The following ACACB variants were observed in gnomAD, a reference collection of about 807,000 sequenced individuals.
ACACB encodes the protein acetyl-CoA carboxylase beta.
ACACB carries 209 observed loss-of-function variants against 278.8 expected under a neutral mutation model. The ratio of observed to expected loss-of-function variants is 0.75; its 90% CI spans 0.67 to 0.84. The LOEUF is 0.84. Among genes scored for constraint, ACACB ranks in the 40% least tolerant of loss-of-function variants. The pLI is 0.00. For missense variants in ACACB, 2,850 were observed against 3,269.0 expected, an observed-to-expected ratio of 0.87 and a Z score of 3.13; for synonymous variants, 1,174 against 1,285.6, an observed-to-expected ratio of 0.91 and a Z score of 1.86.
intron 11 of ACACB, among the ~76,000 whole-genome samples, chr12:109,181,881 G>A (rs1376407530): frequency 9.8e-6 from 1 of 101,948 alleles, no homozygotes; most frequent in African/African-American, 3.9e-5. Flanking sequence ...GTCTTGCTCT[G>A]TTGCCCAGGC....
Position 109,239,995 on chromosome 12 carries a change from T to C in ACACB, c.4818+10T>C, listed in dbSNP as rs1332107588. ...CATGGACCCCTTCAAGGTCTCGCCT[T>C]TGCAGGGGGGCTCTCACCGGGCTCT... On this transcript the variant is annotated intron_variant, in intron 35 of 52. Transcript: ENST00000338432. 6.2e-7 allele frequency: 1 copy of C among 1,612,046 alleles called. No homozygotes were observed.
At chr12:109,240,508 A>G (rs1251904664) in intron 35 of ACACB, among the ~76,000 whole-genome samples, 1 of 150,926 alleles carries the variant, frequency 6.6e-6, no homozygotes, top group Non-Finnish European at 1.5e-5. Context: ...AATTTTAAAA[A>G]TTAAAAAATA....
rs1029835101 is a variant in ACACB at position 109,139,735 on chromosome 12, A to G, written c.330A>G (p.Ala110=). Residue 110 remains alanine (A), a synonymous_variant, in exon 2 of 53, where the codon GCA becomes GCG. Coordinates refer to ENST00000338432, the MANE Select transcript of ACACB (RefSeq NM_001093.4). ...ACCCCCTTTCTTCCAGTGACGCAGC[A>G]CCCTCCCCAGAGCTTCAAGCCAACG... ...PRNPLSSSDA[A]PSPELQANGT... 2.5e-6 allele frequency: 4 copies of G among 1,613,782 alleles called. No individual in the cohort carries two copies. Among genetic ancestry groups the G allele is most frequent in the Non-Finnish European group, 3.4e-6 (4 of 1,179,964 alleles).
rs375637951 is a variant in ACACB, at chr12:109,245,756, C to T, written c.5301+8C>T. ...CTTCCTGGTGGAAATGAGGTAATAG[C>T]TCAGCGGAGCCTAACCCCTGGCTGG... On this transcript the variant is annotated splice_region_variant and intron_variant, in intron 38 of 52. Transcript: ENST00000338432. 6.2e-7 allele frequency: 1 copy of T among 1,613,316 alleles called. No homozygotes were observed.
chr12:109,125,078 C>G (rs1025871151), intron 1 of ACACB, among the ~76,000 whole-genome samples: 15 of 152,278 alleles, frequency 9.9e-5, no homozygotes, highest in African/African-American at 3.4e-4. Context: ...AATACAGTCC[C>G]TGAAAGGCAG....
chr12:109,154,070 TA>T (rs1254566258), intron 2 of ACACB, among the ~76,000 whole-genome samples: 1 of 152,188 alleles, frequency 6.6e-6, no homozygotes, highest in Non-Finnish European at 1.5e-5. Flanking sequence ...ATTATAGGGA[TA>T]AAAACAATAA....
chr12:109,175,857 A>C (rs2136204193), intron 7 of ACACB, 74 bp from the exon 8 acceptor site: 2 of 1,277,590 alleles, frequency 1.6e-6, no homozygotes, highest in Admixed American at 1.8e-5. Flanking sequence ...CAGCAGGGAG[A>C]GGCGCTGTGG....
At chr12:109,218,139 G>A (rs1283905323) in intron 24 of ACACB, among the ~76,000 whole-genome samples, 1 of 152,224 alleles carries the variant, frequency 6.6e-6, no homozygotes, top group Non-Finnish European at 1.5e-5. Context: ...GTGTGGAGAA[G>A]AAGAAATATG....
At chr12:109,142,079 C>T (rs181818264) in intron 2 of ACACB, among the ~76,000 whole-genome samples, 1 of 148,902 alleles carries the variant, frequency 6.7e-6, no homozygotes, top group Non-Finnish European at 1.5e-5. Flanking sequence ...GAGACCTCAT[C>T]TCTAAAAAAA....
chr12:109,197,856 A>C (rs1056547170), intron 17 of ACACB, among the ~76,000 whole-genome samples: 7 of 152,172 alleles, frequency 4.6e-5, no homozygotes, highest in Non-Finnish European at 1.5e-5. Flanking sequence ...GTTTTGGAAG[A>C]AGGAAGACTA....
chr12:109,258,515 G>A (rs2047291487), intron 46 of ACACB, 151 bp downstream of exon 46: 1 of 616,292 alleles, frequency 1.6e-6, no homozygotes, highest in South Asian at 2.0e-5. Context: ...CTCAGTGCCT[G>A]TTTCTCTGAC....
chr12:109,131,941 T>C (rs2042839837), intron 1 of ACACB, among the ~76,000 whole-genome samples: 1 of 152,174 alleles, frequency 6.6e-6, no homozygotes, highest in Non-Finnish European at 1.5e-5. Flanking sequence ...TGCATGTCGA[T>C]CTGCGGCTGT....
At chr12:109,195,758 C>G (rs1360442829) in intron 16 of ACACB, among the ~76,000 whole-genome samples, 1 of 151,850 alleles carries the variant, frequency 6.6e-6, no homozygotes, top group Non-Finnish European at 1.5e-5. Flanking sequence ...AAACTCATGT[C>G]TGTGGCACTG....
intron 33 of ACACB, 152 bp downstream of exon 33, chr12:109,235,799 A>G (rs2046616874): frequency 1.5e-6 from 1 of 659,886 alleles, no homozygotes; most frequent in South Asian, 1.9e-5. Flanking sequence ...GGAGTTCTAG[A>G]CCAGCCTGGG....
rs767325347 is a variant in ACACB at position 109,139,527 on chromosome 12, T to C, written c.122T>C (p.Leu41Pro). ...PITKSKSEAN[L>P]IPSQEPFPAS... ...ACCAAGAGTAAATCAGAAGCAAACC[T>C]CATCCCGAGCCAGGAGCCCTTTCCA... The change falls in exon 2 of 53, where the codon CTC becomes CCC. Residue 41 changes from leucine to proline, a missense_variant. Leu to Pro is a moderately conservative substitution (Grantham distance 98, BLOSUM62 -3). Around this residue, in one of 3 missense-constraint regions of ACACB, gnomAD observed 2,265 missense variants for 2,561.3 expected, o/e 0.88. Transcript: ENST00000338432. 1.2e-5 allele frequency: 19 copies of C among 1,613,654 alleles called. 1 individual carries two copies. The South Asian group carries it at 2.1e-4, about 18-fold the overall frequency.
intron 2 of ACACB, among the ~76,000 whole-genome samples, chr12:109,140,262 CCTTCCTTCTTTCCTTCCTTCCT>C: frequency 1.5e-5 from 1 of 64,584 alleles, no homozygotes; most frequent in Middle Eastern, 7.5e-3. Context: ...TTCCATCCTT[CCTTCCTTCTTTCCTTCCTTCCT>C]TCCTTCCTTC....
intron 2 of ACACB, among the ~76,000 whole-genome samples, chr12:109,157,604 C>T (rs1180281203): frequency 1.3e-5 from 2 of 152,072 alleles, no homozygotes; most frequent in East Asian, 1.9e-4. Context: ...GTGTGGAAGT[C>T]GCTGGTCTTG....
chr12:109,161,429 G>C (rs1017170114), intron 2 of ACACB, among the ~76,000 whole-genome samples: 1 of 152,112 alleles, frequency 6.6e-6, no homozygotes, highest in Non-Finnish European at 1.5e-5. Context: ...TGTAACCCTA[G>C]TTGCTCGGGA....
intron 2 of ACACB, among the ~76,000 whole-genome samples, chr12:109,151,246 G>T (rs1009635532): frequency 6.6e-6 from 1 of 152,094 alleles, no homozygotes; most frequent in Middle Eastern, 3.2e-3. Flanking sequence ...GCCTCCCAAA[G>T]TGCTGGGATT....
Sources: gnomAD v4.1 joint callset for allele counts (sites outside exome capture counted in the v4.1 genomes callset) on GRCh38, gnomAD v4.1.1 for gene constraint, gnomAD v4.1.1 regional missense constraint, MANE v1.5 for transcripts, NCBI Gene and HGNC (gene_info 2026-07-23, HGNC 2026-07-21) for gene names.